Variants in RBMS1 observed in about 807,000 individuals in gnomAD.
The protein encoded by RBMS1 is RNA-binding motif, single-stranded-interacting protein 1.
RBMS1 carries 17 observed loss-of-function variants against 62.3 expected under a neutral mutation model. The observed-to-expected ratio is 0.27, with a 90% CI of 0.19 to 0.41. RBMS1 has a LOEUF of 0.41. Among genes scored for constraint, RBMS1 ranks in the 10% least tolerant of loss-of-function variants. The pLI is 1.00. For synonymous variants in RBMS1, 172 were observed against 170.0 expected (o/e 1.01, Z -0.09); for missense variants, 334 against 504.5 (o/e 0.66, Z 3.24).
intron 1 of RBMS1, among the ~76,000 whole-genome samples, chr2:160,396,905 C>A (rs954345441): frequency 3.9e-5 from 6 of 152,154 alleles, no homozygotes; most frequent in South Asian, 2.1e-4. Flanking sequence ...ACTCTCTGAC[C>A]GAGGTCCGGG....
At chr2:160,371,147 G>A (rs895446573) in intron 1 of RBMS1, among the ~76,000 whole-genome samples, 1 of 152,166 alleles carries the variant, frequency 6.6e-6, no homozygotes, top group Non-Finnish European at 1.5e-5. Flanking sequence ...TTTAATTACA[G>A]CTTCAGAACT....
intron 2 of RBMS1, among the ~76,000 whole-genome samples, chr2:160,340,736 T>C (rs1025647776): frequency 2.0e-5 from 3 of 152,214 alleles, no homozygotes; most frequent in Admixed American, 6.5e-5. Flanking sequence ...TTAGCAGTAT[T>C]TGTCCATCCA....
intron 1 of RBMS1, among the ~76,000 whole-genome samples, chr2:160,435,884 T>C (rs571405015): frequency 1.3e-5 from 2 of 152,322 alleles, no homozygotes; most frequent in South Asian, 2.1e-4. Context: ...AATAGCCAAG[T>C]TATTATTTAA....
chr2:160,447,178 T>G (rs1301621271), intron 1 of RBMS1, among the ~76,000 whole-genome samples: 2 of 152,186 alleles, frequency 1.3e-5, no homozygotes, highest in Non-Finnish European at 2.9e-5. Context: ...GAGCTACACA[T>G]GGCCATCCTT....
chr2:160,455,782 C>G (rs1044208491), intron 1 of RBMS1, among the ~76,000 whole-genome samples: 1 of 148,028 alleles, frequency 6.8e-6, no homozygotes, highest in Admixed American at 6.8e-5. Flanking sequence ...CTCCCGGGTT[C>G]ACGCCATTCT....
At position 160,309,209 on chromosome 2, in the gene RBMS1, G is replaced by A. The variant is rs371664756; in HGVS notation, c.402+3947C>T. ...GGAGACTGAGAGTGAGCATTTATGG[G>A]GAGAGAAACGCTGAAGCGTTCCAAG... On this transcript the variant is annotated intron_variant, in intron 4 of 13. Coordinates refer to ENST00000348849, the MANE Select transcript of RBMS1 (RefSeq NM_016836.4). Among the ~76,000 whole-genome samples, 7 of 152,264 alleles carry A rather than the reference G, an allele frequency of 4.6e-5. No individual in the cohort carries two copies. In the East Asian group the frequency reaches 1.4e-3, roughly 29 times the overall value.
chr2:160,449,018 C>T (rs976361394), intron 1 of RBMS1, among the ~76,000 whole-genome samples: 9 of 151,704 alleles, frequency 5.9e-5, no homozygotes, highest in Admixed American at 3.3e-4. Context: ...TGTGTCTGCC[C>T]GGCCACCCTG....
chr2:160,380,303 G>T (rs1251805961), intron 1 of RBMS1, among the ~76,000 whole-genome samples: 1 of 152,118 alleles, frequency 6.6e-6, no homozygotes, highest in Non-Finnish European at 1.5e-5. Context: ...CCACCAGTGG[G>T]CTTTCCAGAA....
intron 1 of RBMS1, among the ~76,000 whole-genome samples, chr2:160,475,849 T>C (rs968512137): frequency 7.2e-6 from 1 of 139,366 alleles, no homozygotes; most frequent in African/African-American, 2.7e-5. Flanking sequence ...TAGAGTAGAA[T>C]GGGCCCCCCA....
At chr2:160,444,981 A>G in intron 1 of RBMS1, among the ~76,000 whole-genome samples, 1 of 152,162 alleles carries the variant, frequency 6.6e-6, no homozygotes, top group Non-Finnish European at 1.5e-5. Flanking sequence ...CACCCAGTCT[A>G]TGGTATCTTG....
At chr2:160,288,998 A>G (rs1422677796) in intron 6 of RBMS1, among the ~76,000 whole-genome samples, 1 of 152,190 alleles carries the variant, frequency 6.6e-6, no homozygotes, top group Non-Finnish European at 1.5e-5. Flanking sequence ...GCAGGTAAGC[A>G]GCCAGACCCT....
intron 1 of RBMS1, among the ~76,000 whole-genome samples, chr2:160,419,543 T>C (rs1260607750): frequency 6.6e-6 from 1 of 152,222 alleles, no homozygotes; most frequent in African/African-American, 2.4e-5. Flanking sequence ...TAAATAAGAA[T>C]GGACAAAGTG....
At chr2:160,433,104 C>T (rs932204592) in intron 1 of RBMS1, among the ~76,000 whole-genome samples, 7 of 137,030 alleles carry the variant, frequency 5.1e-5, no homozygotes, top group South Asian at 4.8e-4. Context: ...GGTTTTGATA[C>T]GAATATTAAA....
intron 2 of RBMS1, among the ~76,000 whole-genome samples, chr2:160,361,818 G>A (rs1427239945): frequency 6.6e-6 from 1 of 152,176 alleles, no homozygotes; most frequent in Admixed American, 6.5e-5. Context: ...AACACAGTGA[G>A]ACCCCAATCT....
intron 1 of RBMS1, among the ~76,000 whole-genome samples, chr2:160,420,636 C>T (rs984569139): frequency 1.3e-5 from 2 of 152,184 alleles, no homozygotes; most frequent in Non-Finnish European, 2.9e-5. Context: ...TCTCGGCCTC[C>T]TTTCCAGTCC....
chr2:160,371,291 G>T (rs144204868), intron 1 of RBMS1, among the ~76,000 whole-genome samples: 1 of 152,310 alleles, frequency 6.6e-6, no homozygotes, highest in Non-Finnish European at 1.5e-5. Flanking sequence ...TTCATCACTG[G>T]TAGTCCTTCT....
chr2:160,286,889 C>A, intron 7 of RBMS1, 80 bp downstream of exon 7: 5 of 1,599,942 alleles, frequency 3.1e-6, no homozygotes, highest in Middle Eastern at 2.3e-4. Flanking sequence ...AGTCAAGATG[C>A]CTTTTTGTGT....
At chr2:160,390,937 C>T (rs1245923634) in intron 1 of RBMS1, among the ~76,000 whole-genome samples, 1 of 151,528 alleles carries the variant, frequency 6.6e-6, no homozygotes, top group Non-Finnish European at 1.5e-5. Flanking sequence ...ACAACAGAGC[C>T]ACCAATATAA....
intron 2 of RBMS1, among the ~76,000 whole-genome samples, chr2:160,333,649 C>T (rs1379975372): frequency 2.0e-5 from 3 of 152,186 alleles, no homozygotes; most frequent in Non-Finnish European, 4.4e-5. Context: ...CCAAGCTCTT[C>T]CCAAACCACA....
Sources: gnomAD v4.1 joint callset for allele counts (sites outside exome capture counted in the v4.1 genomes callset) on GRCh38, gnomAD v4.1.1 for gene constraint, MANE v1.5 for transcripts, NCBI Gene and HGNC (gene_info 2026-07-23, HGNC 2026-07-21) for gene names.